JAG2: variants seen among roughly 807,000 people sequenced by gnomAD.
JAG2 encodes jagged canonical Notch ligand 2.
A neutral mutation model predicts 141.7 loss-of-function variants in JAG2; 46 were observed. The observed-to-expected ratio is 0.32, with a 90% CI of 0.26 to 0.42. The LOEUF is 0.42. Among genes scored for constraint, JAG2 ranks in the 10% least tolerant of loss-of-function variants. The pLI is 1.00. For synonymous variants in JAG2, 862 were observed against 763.5 expected (o/e 1.13, Z -2.13); for missense variants, 1,500 against 1,817.5 (o/e 0.83, Z 3.18).
intron 10 of JAG2, 28 bp from the exon 11 acceptor site, chr14:105,150,939 C>G: frequency 6.3e-7 from 1 of 1,592,104 alleles, no homozygotes. Context: ...GGGTCAGAGG[C>G]GGGGTCCCAT....
At position 105,168,405 on chromosome 14, in the gene JAG2, G is replaced by T; in HGVS notation, c.16C>A (p.Arg6=). Residue 6 remains arginine (R), a synonymous_variant, in exon 1 of 26, where the codon CGG becomes AGG. Transcript: ENST00000331782. ...AGCAGCCGCCGGGGAAGGCGCCCCC[G>T]GCCCTGCGCCCGCATTGCCCCCGCG... is the stretch of plus-strand genomic sequence containing the variant. The part of the protein sequence containing the change: MRAQG[R]GRLPRRLLLL... 2.0e-6 allele frequency: 2 copies of T among 987,856 alleles called. No homozygotes were observed. Among genetic ancestry groups the T allele is most frequent in the South Asian group, 6.4e-5 (2 of 31,342 alleles). 61.2% of individuals were successfully genotyped at this position (987,856 alleles called of 1,614,324 possible). A position where few individuals can be genotyped will look rare whatever the true frequency, so the allele number is the denominator to read the frequency against.
chr14:105,161,603 G>A (rs1258997267), intron 2 of JAG2, among the ~76,000 whole-genome samples: 1 of 152,016 alleles, frequency 6.6e-6, no homozygotes, highest in Non-Finnish European at 1.5e-5. Context: ...CACCTGGATG[G>A]CAGGAAGTCA....
rs1466654312 is a variant in JAG2 at position 105,152,247 on chromosome 14, G to C, written c.833C>G (p.Pro278Arg). The C allele has an allele frequency of 6.2e-7, 1 of 1,613,440 alleles. No homozygotes were observed. Among genetic ancestry groups the C allele is most frequent in the Non-Finnish European group, 8.5e-7 (1 of 1,179,994 alleles). ...ACTGCCATGCACGCAGCCGGGGTAG[G>C]GGACACACTCATCGCAGAACCTCCC... ...WQGRFCDECV[P>R]YPGCVHGSCV... Residue 278 changes from proline to arginine, a missense_variant, in exon 6 of 26, where the codon CCC becomes CGC. This residue lies in a region of JAG2 where 875 missense variants were observed against 1,202.2 expected (regional missense o/e 0.73). Coordinates refer to ENST00000331782, the MANE Select transcript of JAG2 (RefSeq NM_002226.5).
Position 105,149,203 on chromosome 14 carries a change from G to A in JAG2, c.1720C>T (p.Pro574Ser). ...DDFGGKNCSV[P>S]REPCPGGACR... The stretch of plus-strand genomic sequence containing the variant: ...GCCCCGCCAGGGCACGGCTCGCGGG[G>A]CACGGAGCAGTTCTTGCCACCAAAG... The change falls in exon 13 of 26, where the codon CCC (proline) becomes TCC (serine). Residue 574 changes from proline (P) to serine (S), a missense_variant. Pro to Ser is a moderately conservative substitution (Grantham distance 74). Coordinates refer to ENST00000331782, the MANE Select transcript of JAG2 (RefSeq NM_002226.5). 1 of 1,612,300 alleles carries A rather than the reference G, an allele frequency of 6.2e-7. No homozygotes were observed. Among genetic ancestry groups the A allele is most frequent in the Non-Finnish European group, 8.5e-7 (1 of 1,179,868 alleles).
At chr14:105,146,952 C>A in intron 20 of JAG2, 1 of 639,410 alleles carries the variant, frequency 1.6e-6, no homozygotes, top group Non-Finnish European at 2.8e-6. Flanking sequence ...GTGGGCCTGT[C>A]CCATCCTGGA....
chr14:105,142,718 C>A lies in JAG2; in HGVS notation c.3694G>T (p.Ala1232Ser). The A allele has an allele frequency of 6.2e-7, 1 of 1,606,078 alleles. No homozygotes were observed. Among genetic ancestry groups the A allele is most frequent in the African/African-American group, 1.3e-5 (1 of 74,878 alleles). Residue 1232 changes from alanine to serine, a missense_variant, in exon 26 of 26, where the codon GCC (alanine) becomes TCC (serine). Around this residue, in one of 3 missense-constraint regions of JAG2, gnomAD observed 425 missense variants for 441.0 expected, o/e 0.96. Coordinates refer to ENST00000331782, the MANE Select transcript of JAG2 (RefSeq NM_002226.5). The stretch of plus-strand genomic sequence containing the variant: ...CCCTACTCCTTGCCGGCGTAGCGGG[C>A]CTCATTGATGCTCCTGACCGCGCGG... The part of the protein sequence containing the change: ...DNRAVRSINE[A>S]RYAGKE
chr14:105,151,668 A>C lies in JAG2; in HGVS notation c.1111T>G (p.Cys371Gly). 6.2e-7 allele frequency: 1 copy of C among 1,611,124 alleles called. No individual in the cohort carries two copies. The highest frequency in any genetic ancestry group is 8.5e-7 in the Non-Finnish European group (1 of 1,179,358). ...SCHEVPSGFE[C>G]HCPSGWSGPT... ...CCGCTCCAGCCCGATGGGCAGTGGC[A>C]TTCGAAGCCGGACGGCACCTCATGG... The change falls in exon 8 of 26, where the codon TGC (cysteine) becomes GGC (glycine). Residue 371 changes from cysteine (C) to glycine (G), a missense_variant. Physicochemically the swap from Cys to Gly is radical, Grantham distance 159 (BLOSUM62 -3). This residue lies in a region of JAG2 where 875 missense variants were observed against 1,202.2 expected (regional missense o/e 0.73). Transcript: ENST00000331782.
At chr14:105,152,726 G>A (rs1888474406) in intron 5 of JAG2, among the ~76,000 whole-genome samples, 1 of 152,174 alleles carries the variant, frequency 6.6e-6, no homozygotes, top group Admixed American at 6.5e-5. Flanking sequence ...GTGGCCCTGG[G>A]CACAGCACGT....
chr14:105,162,739 C>A lies in JAG2; in HGVS notation c.418-4976G>T, dbSNP rs587735301. Among the ~76,000 whole-genome samples, 78 of 57,294 alleles carry A rather than the reference C, an allele frequency of 1.4e-3. 1 individual carries two copies. The highest frequency in any genetic ancestry group is 4.1e-3 in the South Asian group (10 of 2,442). 37.6% of individuals were successfully genotyped at this position (57,294 alleles called of 152,430 possible). A position where few individuals can be genotyped will look rare whatever the true frequency, so the allele number is the denominator to read the frequency against. On this transcript the variant is annotated intron_variant, in intron 2 of 25. Coordinates refer to ENST00000331782, the MANE Select transcript of JAG2 (RefSeq NM_002226.5). ...CCCAGGGCACCCTAGATCCAGTACACCCCACAGCCTTGTGCACCCCATGGC... is the reference window on the plus strand; with the variant it reads ...CCCAGGGCACCCTAGATCCAGTACAACCCACAGCCTTGTGCACCCCATGGC...
chr14:105,147,102 G>A (rs908428122), intron 20 of JAG2: 8 of 622,312 alleles, frequency 1.3e-5, no homozygotes, highest in African/African-American at 5.5e-5. Flanking sequence ...CCTGGGCCCC[G>A]GACTGGTCCC....
Position 105,167,624 on chromosome 14 carries a change from C to G in JAG2, c.417+133G>C. 9.4e-7 allele frequency: 1 copy of G among 1,068,638 alleles called. No homozygotes were observed. The highest frequency in any genetic ancestry group is 4.3e-5 in the East Asian group (1 of 23,326). 66.2% of individuals were successfully genotyped at this position (1,068,638 alleles called of 1,614,324 possible). ...AGTCCCCAGAGCACGCGCCCCCTGC[C>G]GGCCCCGCCCCGCCTGGGCGCGCGC... is the stretch of plus-strand genomic sequence containing the variant. On this transcript the variant is annotated intron_variant, in intron 2 of 25. Transcript: ENST00000331782. The surrounding 1 kb of genome is among the most constrained non-coding windows in gnomAD (Gnocchi z 4.8).
At chr14:105,153,810 G>A (rs925758325) in intron 5 of JAG2, among the ~76,000 whole-genome samples, 1 of 152,152 alleles carries the variant, frequency 6.6e-6, no homozygotes, top group Non-Finnish European at 1.5e-5. Flanking sequence ...CAGCCTTGGT[G>A]TGACATTCAA....
At chr14:105,162,722 ACC>A (rs1888790520) in intron 2 of JAG2, among the ~76,000 whole-genome samples, 4 of 38,388 alleles carry the variant, frequency 1.0e-4, no homozygotes, top group Admixed American at 6.3e-4. Flanking sequence ...TGCCCAGGGC[ACC>A]CTAGATCCAG....
intron 5 of JAG2, among the ~76,000 whole-genome samples, chr14:105,153,638 C>A (rs1363273111): frequency 6.6e-6 from 1 of 151,952 alleles, no homozygotes; most frequent in Non-Finnish European, 1.5e-5. Context: ...TGCACTGGAA[C>A]CTGAGCCGAG....
intron 2 of JAG2, among the ~76,000 whole-genome samples, chr14:105,162,801 G>A (rs1288042286): frequency 2.1e-5 from 3 of 145,618 alleles, no homozygotes; most frequent in Non-Finnish European, 4.6e-5. Flanking sequence ...CCAAAGCTCA[G>A]GGCACTCCAG....
chr14:105,155,653 TGCA>T (rs747732663), intron 4 of JAG2, 31 bp from the exon 5 acceptor site: 2 of 1,612,440 alleles, frequency 1.2e-6, no homozygotes, highest in Non-Finnish European at 1.7e-6. Flanking sequence ...GAGGCACAGC[TGCA>T]GCCAGCCTGG....
chr14:105,143,907 G>T (rs1472546366), intron 24 of JAG2, among the ~76,000 whole-genome samples: 4 of 150,782 alleles, frequency 2.7e-5, no homozygotes, highest in East Asian at 2.0e-4. Context: ...AGCGAGCAGT[G>T]GGGGGAAGGG....
At chr14:105,144,889 C>T in intron 24 of JAG2, 41 bp downstream of exon 24, 2 of 1,589,814 alleles carry the variant, frequency 1.3e-6, no homozygotes, top group South Asian at 1.1e-5. Flanking sequence ...TAGTACGGGA[C>T]CCAGGGCCCA....
At chr14:105,156,232 G>A (rs752883629) in intron 3 of JAG2, among the ~76,000 whole-genome samples, 4 of 152,194 alleles carry the variant, frequency 2.6e-5, no homozygotes, top group African/African-American at 7.2e-5. Flanking sequence ...GGGTCGGGGG[G>A]CCCGGCTAGG....
Sources: allele counts gnomAD v4.1 joint callset (sites outside exome capture counted in the v4.1 genomes callset), GRCh38; gene constraint gnomAD v4.1.1; regional missense constraint gnomAD v4.1.1; non-coding constraint Gnocchi (gnomAD v3.1); transcripts MANE v1.5; gene names NCBI Gene and HGNC (gene_info 2026-07-23, HGNC 2026-07-21).